ATP8A2: variants seen among roughly 807,000 people sequenced by gnomAD.
ATP8A2 encodes the protein phospholipid-transporting ATPase IB.
A neutral mutation model predicts 165.6 loss-of-function variants in ATP8A2; 100 were observed. The ratio of observed to expected loss-of-function variants is 0.60; its 90% CI spans 0.51 to 0.71. The LOEUF (loss-of-function observed/expected upper bound fraction) is 0.71, where lower values mean the gene tolerates loss of function less well. Among genes scored for constraint, ATP8A2 ranks in the 30% least tolerant of loss-of-function variants. The probability of loss-of-function intolerance (pLI) is 0.00; values close to 1 mark genes in which losing one functional copy is unlikely to be tolerated. For missense variants in ATP8A2, 1,227 were observed against 1,479.5 expected, an observed-to-expected ratio of 0.83 and a Z score of 2.80; for synonymous variants, 543 against 548.8, an observed-to-expected ratio of 0.99 and a Z score of 0.15.
intron 1 of ATP8A2, among the ~76,000 whole-genome samples, chr13:25,374,940 T>C (rs1022724477): frequency 6.6e-6 from 1 of 152,204 alleles, no homozygotes; most frequent in African/African-American, 2.4e-5. Context: ...TTCAAGAGTA[T>C]ATGCTGAGCT....
intron 2 of ATP8A2, among the ~76,000 whole-genome samples, chr13:25,519,744 C>T (rs886245983): frequency 1.2e-4 from 19 of 152,142 alleles, no homozygotes; most frequent in African/African-American, 4.3e-4. Context: ...GATGCTGGCA[C>T]ATGCATTTCG....
chr13:25,379,698 T>C (rs1046646585), intron 1 of ATP8A2, among the ~76,000 whole-genome samples: 1 of 152,200 alleles, frequency 6.6e-6, no homozygotes, highest in African/African-American at 2.4e-5. Flanking sequence ...GCAAACTAAG[T>C]GGTCTTCTGG....
At chr13:25,605,793 G>A (rs1323145518) in intron 24 of ATP8A2, among the ~76,000 whole-genome samples, 1 of 151,906 alleles carries the variant, frequency 6.6e-6, no homozygotes, top group Non-Finnish European at 1.5e-5. Flanking sequence ...TCTTACTTTT[G>A]GACATTGAGG....
At chr13:25,545,050 G>T (rs568434764) in intron 10 of ATP8A2, among the ~76,000 whole-genome samples, 4 of 151,956 alleles carry the variant, frequency 2.6e-5, no homozygotes, top group African/African-American at 9.7e-5. Context: ...CTGCTTGGGG[G>T]TACTCAAGGG....
At chr13:25,796,548 C>T (rs1308886915) in intron 27 of ATP8A2, among the ~76,000 whole-genome samples, 5 of 152,140 alleles carry the variant, frequency 3.3e-5, no homozygotes, top group Non-Finnish European at 7.4e-5. Flanking sequence ...TAGATGGGGA[C>T]CTACTGGGGA....
intron 26 of ATP8A2, among the ~76,000 whole-genome samples, chr13:25,769,589 A>G (rs1305460842): frequency 6.6e-6 from 1 of 152,186 alleles, no homozygotes; most frequent in African/African-American, 2.4e-5. Context: ...GCTGAAGCAC[A>G]GCTGTGCTCA....
chr13:25,474,516 C>G (rs1482113184), intron 2 of ATP8A2, among the ~76,000 whole-genome samples: 1 of 149,922 alleles, frequency 6.7e-6, no homozygotes, highest in Non-Finnish European at 1.5e-5. Context: ...GAGCAGAGAT[C>G]ACACCACTGC....
intron 33 of ATP8A2, among the ~76,000 whole-genome samples, chr13:25,876,795 TAAAG>T (rs1230936405): frequency 1.3e-5 from 2 of 152,206 alleles, no homozygotes; most frequent in Admixed American, 6.5e-5. Flanking sequence ...GTCTGGAATG[TAAAG>T]AAAGAAAGAA....
chr13:25,519,695 C>T (rs1249485751), intron 2 of ATP8A2, among the ~76,000 whole-genome samples: 3 of 152,178 alleles, frequency 2.0e-5, no homozygotes, highest in African/African-American at 7.2e-5. Flanking sequence ...TTCCATGCAG[C>T]TAAAGCCCCT....
At position 25,817,029 on chromosome 13, in the gene ATP8A2, C is replaced by G. The variant is rs538490593; in HGVS notation, c.2680-11089C>G. Among the ~76,000 whole-genome samples the G allele has an allele frequency of 2.6e-5, 4 of 152,262 alleles. No homozygotes were observed. The South Asian group carries it at 8.3e-4, about 32-fold the overall frequency. On this transcript the variant is annotated intron_variant, in intron 27 of 36. Transcript: ENST00000381655. ...AGTGATCTTATACATATTTCTGCTACCCCTTCCATAATAGACCCCCTGCCA... is the reference window on the plus strand; with the variant it reads ...AGTGATCTTATACATATTTCTGCTAGCCCTTCCATAATAGACCCCCTGCCA...
rs147692736 is a variant in ATP8A2, at chr13:25,763,298, G to A, written c.2385-5748G>A. On this transcript the variant is annotated intron_variant, in intron 25 of 36. Transcript: ENST00000381655. ...CCAACCCGTGTGAGGCTGCCTCTTG[G>A]TCAAACACTGCATTCTTTGAAATAA... is the stretch of plus-strand genomic sequence containing the variant. 9.4e-4 allele frequency among the ~76,000 whole-genome samples: 143 copies of A among 152,186 alleles called. 1 individual carries two copies. The highest frequency in any genetic ancestry group is 3.4e-3 in the African/African-American group (141 of 41,534).
intron 2 of ATP8A2, among the ~76,000 whole-genome samples, chr13:25,474,005 T>G (rs1438279988): frequency 6.6e-6 from 1 of 152,228 alleles, no homozygotes; most frequent in Admixed American, 6.5e-5. Flanking sequence ...AAATAGTGAA[T>G]TTCAAAGCCA....
At chr13:25,845,504 G>A (rs1331726050) in intron 30 of ATP8A2, among the ~76,000 whole-genome samples, 2 of 152,138 alleles carry the variant, frequency 1.3e-5, no homozygotes, top group Non-Finnish European at 2.9e-5. Context: ...CTCCCTCACC[G>A]TTTAAGGAGA....
chr13:25,813,917 C>A (rs1472962653), intron 27 of ATP8A2, among the ~76,000 whole-genome samples: 1 of 152,160 alleles, frequency 6.6e-6, no homozygotes, highest in Non-Finnish European at 1.5e-5. Flanking sequence ...GTCCTCCTGC[C>A]TAGCTGCCTT....
intron 1 of ATP8A2, among the ~76,000 whole-genome samples, chr13:25,463,295 A>C (rs539112479): frequency 2.0e-5 from 3 of 152,074 alleles, no homozygotes; most frequent in East Asian, 3.9e-4. Context: ...ATGAAACAGT[A>C]ATAATTTGCC....
At chr13:26,007,033 G>T (rs371256947) in intron 35 of ATP8A2, among the ~76,000 whole-genome samples, 24 of 148,014 alleles carry the variant, frequency 1.6e-4, no homozygotes, top group South Asian at 8.5e-4. Flanking sequence ...TGCTTTTTCT[G>T]TGCCAATCTG....
At chr13:25,694,717 C>G (rs1217946844) in intron 24 of ATP8A2, among the ~76,000 whole-genome samples, 3 of 152,174 alleles carry the variant, frequency 2.0e-5, no homozygotes, top group African/African-American at 4.8e-5. Flanking sequence ...CAGGCTGTTG[C>G]TGGACTGCAG....
At chr13:25,883,479 GTC>G (rs1304674664) in intron 33 of ATP8A2, among the ~76,000 whole-genome samples, 1 of 152,220 alleles carries the variant, frequency 6.6e-6, no homozygotes, top group Non-Finnish European at 1.5e-5. Context: ...GTGTGTGCAA[GTC>G]TCTCACCCAC....
intron 33 of ATP8A2, among the ~76,000 whole-genome samples, chr13:25,891,606 G>A (rs946934932): frequency 5.3e-5 from 8 of 152,116 alleles, no homozygotes; most frequent in Admixed American, 6.5e-5. Flanking sequence ...TTACAGGTGC[G>A]AGCCACTGTG....
Sources: allele counts gnomAD v4.1 joint callset (sites outside exome capture counted in the v4.1 genomes callset), GRCh38; gene constraint gnomAD v4.1.1; transcripts MANE v1.5; gene names NCBI Gene and HGNC (gene_info 2026-07-23, HGNC 2026-07-21).